INPP4B: variants seen among roughly 807,000 people sequenced by gnomAD.
The protein encoded by INPP4B is inositol polyphosphate-4-phosphatase type II B.
A neutral mutation model predicts 122.5 loss-of-function variants in INPP4B; 55 were observed. The ratio of observed to expected loss-of-function variants is 0.45; its 90% CI spans 0.36 to 0.56. INPP4B has a LOEUF of 0.56. Ranked by LOEUF, INPP4B falls within the 20% of genes least tolerant of loss-of-function variation. The pLI, the probability that INPP4B is intolerant of heterozygous loss-of-function variation, is 0.00. For synonymous variants in INPP4B, 403 were observed against 388.7 expected, an observed-to-expected ratio of 1.04 and a Z score of -0.43; for missense variants, 1,000 against 1,097.7, an observed-to-expected ratio of 0.91 and a Z score of 1.26.
At chr4:142,268,322 C>CAAAAA (rs56908599) in intron 10 of INPP4B, among the ~76,000 whole-genome samples, 187 of 6,902 alleles carry the variant, frequency 0.027, 58 homozygotes, top group East Asian at 0.08. Context: ...GACTCCGTCT[C>CAAAAA]AAAAAAAAAA....
rs746915284 is a variant in INPP4B, at chr4:142,794,550, T to A, written c.-254+51659A>T. On this transcript the variant is annotated intron_variant, in intron 1 of 25. Coordinates refer to ENST00000262992, the MANE Select transcript of INPP4B (RefSeq NM_001101669.3). ...TTTAAAAAAACAAGAGAACATAATA[T>A]ACTTAATGCTCTAGGGTAAAGAATG... is the stretch of plus-strand genomic sequence containing the variant. 8.1e-4 allele frequency among the ~76,000 whole-genome samples: 123 copies of A among 152,036 alleles called. 1 individual carries two copies. The highest frequency in any genetic ancestry group is 1.4e-3 in the Non-Finnish European group (93 of 67,906).
chr4:142,433,048 T>G (rs1408160001), intron 3 of INPP4B, among the ~76,000 whole-genome samples: 1 of 152,082 alleles, frequency 6.6e-6, no homozygotes, highest in Admixed American at 6.5e-5. Context: ...AAATTCAATT[T>G]TAGAGAGAAT....
At chr4:142,264,357 A>C (rs1464645826) in intron 10 of INPP4B, among the ~76,000 whole-genome samples, 4 of 152,192 alleles carry the variant, frequency 2.6e-5, no homozygotes, top group African/African-American at 9.6e-5. Flanking sequence ...AGTTTATGAG[A>C]GGCAGAAAGG....
intron 24 of INPP4B, 30 bp from the exon 25 acceptor site, chr4:142,082,215 T>G: frequency 6.8e-7 from 1 of 1,479,986 alleles, no homozygotes; most frequent in Non-Finnish European, 9.2e-7. Flanking sequence ...GAACGTTTCT[T>G]GTTCATTTGT....
In INPP4B at chr4:142,247,238, T is replaced by C. The variant is rs1306561553; in HGVS notation, c.689-9227A>G. Among the ~76,000 whole-genome samples, 3 of 152,312 alleles carry C rather than the reference T, an allele frequency of 2.0e-5. No homozygotes were observed. In the East Asian group the frequency reaches 5.8e-4, roughly 29 times the overall value. On this transcript the variant is annotated intron_variant, in intron 11 of 25. Coordinates refer to ENST00000262992, the MANE Select transcript of INPP4B (RefSeq NM_001101669.3). ...TTTTCGCATCAATATTCATCAGGGA[T>C]ATTGGCCTGAAATTTTCTTTTTTTG...
chr4:142,543,750 A>T (rs764136293), intron 2 of INPP4B, among the ~76,000 whole-genome samples: 4 of 152,160 alleles, frequency 2.6e-5, no homozygotes, highest in African/African-American at 9.7e-5. Flanking sequence ...AACAGAATAT[A>T]TATTGTATAT....
chr4:142,289,911 C>A (rs1166869496), intron 9 of INPP4B, among the ~76,000 whole-genome samples: 4 of 152,150 alleles, frequency 2.6e-5, no homozygotes, highest in Non-Finnish European at 4.4e-5. Context: ...CCTGTCCTTT[C>A]TTCAAAATGT....
chr4:142,783,911 A>C (rs1775308899), intron 1 of INPP4B, among the ~76,000 whole-genome samples: 2 of 152,174 alleles, frequency 1.3e-5, no homozygotes, highest in South Asian at 4.1e-4. Flanking sequence ...TCATTGGACT[A>C]TAAAGAATGA....
chr4:142,266,994 T>C (rs1464781815), intron 10 of INPP4B, among the ~76,000 whole-genome samples: 1 of 152,132 alleles, frequency 6.6e-6, no homozygotes, highest in Non-Finnish European at 1.5e-5. Flanking sequence ...TAAGTAAATT[T>C]AACCAAGGAT....
intron 7 of INPP4B, among the ~76,000 whole-genome samples, chr4:142,327,016 G>A (rs1772628127): frequency 1.3e-5 from 2 of 152,150 alleles, no homozygotes. Flanking sequence ...GACTGATGGT[G>A]ACTTTGTCTT....
At chr4:142,681,018 A>C (rs898142874) in intron 2 of INPP4B, among the ~76,000 whole-genome samples, 3 of 151,882 alleles carry the variant, frequency 2.0e-5, no homozygotes, top group Non-Finnish European at 4.4e-5. Flanking sequence ...ACCCCTTCTC[A>C]GGAGCCAAGA....
intron 2 of INPP4B, among the ~76,000 whole-genome samples, chr4:142,529,601 A>C (rs1362688368): frequency 6.6e-6 from 1 of 152,056 alleles, no homozygotes; most frequent in African/African-American, 2.4e-5. Flanking sequence ...ATGTATTTTA[A>C]TTCCTAGCAT....
Position 142,024,423 on chromosome 4 carries a change from C to T in INPP4B, c.*4359G>A, listed in dbSNP as rs191385043. 19 of 152,228 alleles carry T rather than the reference C, an allele frequency of 1.2e-4. No individual in the cohort carries two copies. Among genetic ancestry groups the T allele is most frequent in the African/African-American group, 4.6e-4 (19 of 41,546 alleles). 9.4% of individuals were successfully genotyped at this position (152,228 alleles called of 1,614,324 possible). On this transcript the variant is annotated 3_prime_UTR_variant, in exon 26 of 26. Transcript: ENST00000262992. ...TTTTGGTCGTGCATAATTTTTAAGG[C>T]CTCCAGCTACTATGATGCCTTGTGT...
At chr4:142,470,690 G>A (rs1238169999) in intron 2 of INPP4B, among the ~76,000 whole-genome samples, 2 of 152,100 alleles carry the variant, frequency 1.3e-5, no homozygotes, top group Non-Finnish European at 2.9e-5. Context: ...TAAATATGTC[G>A]AATGTTGAAT....
At chr4:142,211,413 C>T (rs1050386707) in intron 12 of INPP4B, among the ~76,000 whole-genome samples, 9 of 152,150 alleles carry the variant, frequency 5.9e-5, no homozygotes, top group African/African-American at 2.2e-4. Context: ...ATTTGTCACT[C>T]AATGGTCAAA....
intron 18 of INPP4B, among the ~76,000 whole-genome samples, chr4:142,135,413 TA>T (rs936386913): frequency 3.4e-5 from 5 of 149,036 alleles, no homozygotes; most frequent in Admixed American, 2.0e-4. Flanking sequence ...TTTTTAACCT[TA>T]AAAAAAAGTG....
intron 7 of INPP4B, among the ~76,000 whole-genome samples, chr4:142,331,125 G>A (rs548217196): frequency 6.6e-6 from 1 of 152,258 alleles, no homozygotes; most frequent in African/African-American, 2.4e-5. Context: ...AAGTGGGATG[G>A]GTATTTTGTC....
chr4:142,490,472 TATG>T (rs1211827173), intron 2 of INPP4B, among the ~76,000 whole-genome samples: 1 of 152,148 alleles, frequency 6.6e-6, no homozygotes, highest in Non-Finnish European at 1.5e-5. Flanking sequence ...TGGTGTAAAA[TATG>T]ATGTTTTGAT....
At chr4:142,029,904 A>C (rs893558825) in intron 25 of INPP4B, 3 of 1,190,208 alleles carry the variant, frequency 2.5e-6, no homozygotes, top group Non-Finnish European at 3.1e-6. Context: ...ATTCTTCTTG[A>C]GCTAGTTAAC....
Sources: gnomAD v4.1 joint callset for allele counts (sites outside exome capture counted in the v4.1 genomes callset) on GRCh38, gnomAD v4.1.1 for gene constraint, MANE v1.5 for transcripts, NCBI Gene and HGNC (gene_info 2026-07-23, HGNC 2026-07-21) for gene names.